ABCA5: variants seen among roughly 807,000 people sequenced by gnomAD.
ABCA5 encodes ATP binding cassette subfamily A member 5.
ABCA5 carries 163 observed loss-of-function variants against 206.0 expected under a neutral mutation model. The ratio of observed to expected loss-of-function variants is 0.79; its 90% CI spans 0.70 to 0.90. The LOEUF (loss-of-function observed/expected upper bound fraction) is 0.90. ABCA5 is among the 40% of genes least tolerant of loss of function. The probability of loss-of-function intolerance (pLI) is 0.00; values close to 1 mark genes in which losing one functional copy is unlikely to be tolerated. For missense variants in ABCA5, 1,859 were observed against 1,912.9 expected, an observed-to-expected ratio of 0.97 and a Z score of 0.53; for synonymous variants, 609 against 613.8, an observed-to-expected ratio of 0.99 and a Z score of 0.11.
chr17:69,315,226 G>A (rs769384924), intron 1 of ABCA5: 2 of 152,254 alleles, frequency 1.3e-5, no homozygotes, highest in Non-Finnish European at 2.9e-5. Flanking sequence ...AAAGGCTTGA[G>A]AAACTGAACT....
intron 24 of ABCA5, among the ~76,000 whole-genome samples, chr17:69,262,992 G>A (rs1209185220): frequency 1.3e-5 from 2 of 152,202 alleles, no homozygotes; most frequent in Non-Finnish European, 2.9e-5. Context: ...GATTAGTGAT[G>A]TAGAGCATTT....
intron 14 of ABCA5, among the ~76,000 whole-genome samples, chr17:69,288,683 T>C (rs541104466): frequency 6.1e-5 from 9 of 146,466 alleles, no homozygotes; most frequent in African/African-American, 2.3e-4. Context: ...CTGGGCAACA[T>C]AGCAAGGTCT....
chr17:69,303,827 T>TATATACATACATATATATAC (rs2075684047), intron 7 of ABCA5, among the ~76,000 whole-genome samples: 1 of 10,214 alleles, frequency 9.8e-5, no homozygotes, highest in African/African-American at 2.1e-4. Context: ...TATATATATG[T>TATATACATACATATATATAC]ATATATATAT....
In ABCA5 at chr17:69,271,014, TATC is replaced by T. The variant is rs869195750; in HGVS notation, c.2892+145_2892+147del. On this transcript the variant is annotated intron_variant, in intron 21 of 38. Coordinates refer to ENST00000392676, the MANE Select transcript of ABCA5 (RefSeq NM_172232.4). Reference sequence around the variant, plus strand: ...TGGTCATCTGTGAAGTAATGAAATATATCATAAATAAAGACAGCTAGTTATTTC... The same window carrying T: ...TGGTCATCTGTGAAGTAATGAAATATATAAATAAAGACAGCTAGTTATTTC... 4.8e-6 allele frequency: 5 copies of T among 1,041,292 alleles called. No individual in the cohort carries two copies. In the African/African-American group the frequency reaches 6.6e-5, roughly 14 times the overall value. 64.5% of individuals were successfully genotyped at this position (1,041,292 alleles called of 1,614,324 possible).
At chr17:69,268,406 G>A (rs1281927907) in intron 22 of ABCA5, among the ~76,000 whole-genome samples, 3 of 152,042 alleles carry the variant, frequency 2.0e-5, no homozygotes, top group African/African-American at 4.8e-5. Context: ...GTCCACCATA[G>A]TGGTCCTATG....
chr17:69,251,585 A>T (rs2075013948), intron 35 of ABCA5, 162 bp downstream of exon 35: 2 of 919,998 alleles, frequency 2.2e-6, no homozygotes, highest in Admixed American at 3.6e-5. Flanking sequence ...CCATATTTTT[A>T]AAAAACTCAA....
At chr17:69,319,825 A>G (rs1051592818) in intron 1 of ABCA5, among the ~76,000 whole-genome samples, 12 of 152,240 alleles carry the variant, frequency 7.9e-5, no homozygotes, top group Non-Finnish European at 1.2e-4. Context: ...AAAGCATCTT[A>G]ACCAATATTA....
intron 28 of ABCA5, among the ~76,000 whole-genome samples, chr17:69,259,469 T>C (rs2075121145): frequency 6.6e-6 from 1 of 151,984 alleles, no homozygotes; most frequent in African/African-American, 2.4e-5. Context: ...CCAAAGCATA[T>C]TTCCATTGTC....
At chr17:69,309,793 C>T (rs1248508436) in intron 3 of ABCA5, among the ~76,000 whole-genome samples, 2 of 151,966 alleles carry the variant, frequency 1.3e-5, no homozygotes, top group Non-Finnish European at 2.9e-5. Context: ...TGAGCCATAA[C>T]TGAGCAACTG....
At chr17:69,283,908 C>G (rs756570526) in intron 18 of ABCA5, 45 bp downstream of exon 18, 2 of 1,557,430 alleles carry the variant, frequency 1.3e-6, no homozygotes, top group East Asian at 4.7e-5. Context: ...TATTCACCAT[C>G]TGTCTGATTC....
intron 38 of ABCA5, 83 bp from the exon 39 acceptor site, chr17:69,247,727 A>T: frequency 5.8e-6 from 4 of 686,222 alleles, no homozygotes; most frequent in Non-Finnish European, 9.9e-6. Context: ...AAATGGTACA[A>T]GGCTATATCT....
At position 69,246,792 on chromosome 17, in the gene ABCA5, CCA is replaced by C. The variant is rs1568084435; in HGVS notation, c.*743_*744del. On this transcript the variant is annotated 3_prime_UTR_variant, in exon 39 of 39. Transcript: ENST00000392676. Reference sequence around the variant, plus strand: ...CCTCCATAGATAACTGTCATTCTAGCCACAGAGTCAAAGAATCAGACTATTAC... The same window carrying C: ...CCTCCATAGATAACTGTCATTCTAGCCAGAGTCAAAGAATCAGACTATTAC... 1 of 151,798 alleles carries C rather than the reference CCA, an allele frequency of 6.6e-6. No individual in the cohort carries two copies. Among genetic ancestry groups the C allele is most frequent in the Non-Finnish European group, 1.5e-5 (1 of 67,784 alleles). The allele number at this position is 151,798 out of a possible 1,614,324, so 9.4% of individuals were successfully genotyped here. A position where few individuals can be genotyped will look rare whatever the true frequency, so the allele number is the denominator to read the frequency against.
chr17:69,287,144 T>C (rs2075464890), intron 15 of ABCA5, among the ~76,000 whole-genome samples: 1 of 152,196 alleles, frequency 6.6e-6, no homozygotes, highest in Non-Finnish European at 1.5e-5. Context: ...GTTTATGTGA[T>C]CAGCACCCAA....
At chr17:69,276,970 C>T (rs984777332) in intron 19 of ABCA5, among the ~76,000 whole-genome samples, 1 of 152,096 alleles carries the variant, frequency 6.6e-6, no homozygotes. Flanking sequence ...TATTCTTAAT[C>T]TTAATGATTA....
At chr17:69,277,565 A>T in intron 19 of ABCA5, 76 bp downstream of exon 19, 2 of 1,163,978 alleles carry the variant, frequency 1.7e-6, no homozygotes, top group Admixed American at 2.8e-5. Flanking sequence ...TTAACATTTT[A>T]AAAATTAAGA....
intron 1 of ABCA5, among the ~76,000 whole-genome samples, chr17:69,321,766 TA>T (rs906379400): frequency 1.6e-3 from 230 of 145,558 alleles, no homozygotes; most frequent in African/African-American, 5.2e-3. Context: ...GTTCAAAATC[TA>T]AAAAAAAAAA....
rs201343208 is a variant in ABCA5, at chr17:69,251,832, G to A, written c.4450C>T (p.Arg1484Trp). The A allele has an allele frequency of 4.5e-5, 73 of 1,613,580 alleles. No individual in the cohort carries two copies. The highest frequency in any genetic ancestry group is 3.1e-4 in the East Asian group (14 of 44,818). ...TAGTGAGTGGTCAGAATAGCAGCCC[G>A]CTTTCTGTTTTTAAATGCAGTTCGA... is the stretch of plus-strand genomic sequence containing the variant. ...AIRTAFKNRKRAAILTTHYME... is the reference protein window; with the variant it reads ...AIRTAFKNRKWAAILTTHYME... The change falls in exon 35 of 39, where the codon CGG (arginine) becomes TGG (tryptophan). Residue 1484 changes from arginine (R) to tryptophan (W), a missense_variant. Physicochemically the swap from Arg to Trp is moderately radical, Grantham distance 101. Transcript: ENST00000392676.
chr17:69,254,069 A>G (rs906333397), intron 32 of ABCA5, among the ~76,000 whole-genome samples, 200 bp from the exon 33 acceptor site: 2 of 152,178 alleles, frequency 1.3e-5, no homozygotes, highest in Admixed American at 6.5e-5. Context: ...TTGAATTAAA[A>G]TAAGTTTCAT....
chr17:69,248,961 A>G (rs1428064945), intron 37 of ABCA5: 1 of 152,286 alleles, frequency 6.6e-6, no homozygotes. Flanking sequence ...CCATGGGCTT[A>G]AGGGATCCTC....
Sources: allele counts gnomAD v4.1 joint callset (sites outside exome capture counted in the v4.1 genomes callset), GRCh38; gene constraint gnomAD v4.1.1; transcripts MANE v1.5; gene names NCBI Gene and HGNC (gene_info 2026-07-23, HGNC 2026-07-21).